The following EFCAB5 variants were observed in gnomAD, a reference collection of about 807,000 sequenced individuals.
EFCAB5 encodes the protein EF-hand calcium binding domain 5.
In EFCAB5, 131 loss-of-function variants were observed where a neutral mutation model predicts 167.9. The ratio of observed to expected loss-of-function variants is 0.78; its 90% confidence interval spans 0.68 to 0.90. The LOEUF (loss-of-function observed/expected upper bound fraction) is 0.90. Among genes scored for constraint, EFCAB5 ranks in the 40% least tolerant of loss-of-function variants. The pLI, the probability that EFCAB5 is intolerant of heterozygous loss-of-function variation, is 0.00. For missense variants in EFCAB5, 1,663 were observed against 1,745.2 expected (o/e 0.95, Z 0.84); for synonymous variants, 574 against 602.8 (o/e 0.95, Z 0.70).
At position 30,080,954 on chromosome 17, in the gene EFCAB5, T is replaced by C. The variant is rs377127461; in HGVS notation, c.3399T>C (p.Phe1133=). 1.4e-5 allele frequency: 22 copies of C among 1,613,136 alleles called. No individual in the cohort carries two copies. In the East Asian group the frequency reaches 4.9e-4, roughly 36 times the overall value. The change falls in exon 17 of 23, where the codon TTT becomes TTC. Residue 1133 remains phenylalanine, a synonymous_variant. Transcript: ENST00000394835. ...GAGATCCCCACGAAATAAACATCTT[T>C]CTACCTCATGAGATCAGATTCTATC... ...TLRDPHEINI[F]LPHEIRFYQG...
At chr17:30,023,208 A>C (rs547504323) in intron 7 of EFCAB5, among the ~76,000 whole-genome samples, 10 of 151,958 alleles carry the variant, frequency 6.6e-5, no homozygotes, top group South Asian at 2.1e-4. Flanking sequence ...AATAGAGACA[A>C]AAAAAACCCT....
At chr17:29,953,404 C>T (rs1041949835) in intron 3 of EFCAB5, among the ~76,000 whole-genome samples, 3 of 152,146 alleles carry the variant, frequency 2.0e-5, no homozygotes, top group African/African-American at 7.2e-5. Context: ...GACCCAGTTG[C>T]AGGTAATTGA....
intron 3 of EFCAB5, among the ~76,000 whole-genome samples, chr17:29,960,075 A>G (rs1449801408): frequency 1.3e-5 from 2 of 152,190 alleles, no homozygotes; most frequent in East Asian, 3.9e-4. Flanking sequence ...CACCAGCTGA[A>G]TTCTACCCCA....
intron 3 of EFCAB5, among the ~76,000 whole-genome samples, chr17:29,955,525 G>A (rs1190541741): frequency 6.6e-6 from 1 of 152,078 alleles, no homozygotes; most frequent in African/African-American, 2.4e-5. Flanking sequence ...GTGGAACTGT[G>A]AGTCCCTTAA....
At chr17:30,034,934 C>A (rs890745472) in intron 8 of EFCAB5, among the ~76,000 whole-genome samples, 9 of 152,108 alleles carry the variant, frequency 5.9e-5, no homozygotes, top group African/African-American at 1.7e-4. Flanking sequence ...TATAAAGGGG[C>A]CCTTATGTGC....
At chr17:30,059,515 C>A in intron 13 of EFCAB5, 30 bp from the exon 14 acceptor site, 2 of 1,566,970 alleles carry the variant, frequency 1.3e-6, no homozygotes, top group Non-Finnish European at 1.7e-6. Context: ...CATATATCTT[C>A]CGTGCTTTAT....
chr17:30,092,072 G>A lies in EFCAB5; in HGVS notation c.4139G>A (p.Arg1380His), dbSNP rs149212930. The A allele has an allele frequency of 2.1e-4, 343 of 1,613,926 alleles. 1 individual carries two copies. The African/African-American group carries it at 3.5e-3, about 17-fold the overall frequency. The change falls in exon 21 of 23, where the codon CGT becomes CAT. Residue 1380 changes from arginine to histidine, a missense_variant. Coordinates refer to ENST00000394835, the MANE Select transcript of EFCAB5 (RefSeq NM_198529.4). ...TTGGAAGCCAACGTGAAACTAGTGC[G>A]TGACATCCTGAAGGCGGTTATCTTG... ...MELEANVKLV[R>H]DILKAVILFF...
At chr17:29,999,474 AT>A (rs760223988) in intron 6 of EFCAB5, among the ~76,000 whole-genome samples, 1 of 152,112 alleles carries the variant, frequency 6.6e-6, no homozygotes, top group Non-Finnish European at 1.5e-5. Flanking sequence ...TTTTTGTATT[AT>A]TTGAATTTGT....
At chr17:29,940,323 C>T (rs1260937979), upstream of EFCAB5, among the ~76,000 whole-genome samples, 13 of 152,130 alleles carry the variant, frequency 8.5e-5, no homozygotes, top group Admixed American at 3.3e-4. Context: ...GTGATCCACC[C>T]GCCTTGGCCT....
rs376564898 is a variant in EFCAB5 at position 29,968,784 on chromosome 17, C to T, written c.191-7C>T. On this transcript the variant is annotated splice_polypyrimidine_tract_variant and splice_region_variant and intron_variant, in intron 3 of 22. Transcript: ENST00000394835. ...ATTTCTTACATTTCACTTTTTTTTC[C>T]CCTCAGAATTAAACCTGGAGGGGCA... The T allele has an allele frequency of 9.0e-6, 13 of 1,444,258 alleles. No individual in the cohort carries two copies. In the African/African-American group the frequency reaches 1.3e-4, roughly 15 times the overall value. 89.5% of individuals were successfully genotyped at this position (1,444,258 alleles called of 1,614,324 possible). A position where few individuals can be genotyped will look rare whatever the true frequency, so the allele number is the denominator to read the frequency against.
In EFCAB5 at chr17:30,057,811, G is replaced by C; in HGVS notation, c.2501G>C (p.Ser834Thr). 1.2e-6 allele frequency: 2 copies of C among 1,613,862 alleles called. No individual in the cohort carries two copies. ...TTTGTTGGTGAAGACGCTCCCTTGA[G>C]TGTCAGCGAGACTCTCACCTCCTTT... is the stretch of plus-strand genomic sequence containing the variant. ...ETFVGEDAPL[S>T]VSETLTSFFK... Residue 834 changes from serine to threonine, a missense_variant, in exon 13 of 23, where the codon AGT becomes ACT. By Grantham distance (58) the Ser-to-Thr change is moderately conservative. Transcript: ENST00000394835.
At chr17:30,034,168 G>A in intron 7 of EFCAB5, 62 bp from the exon 8 acceptor site, 1 of 1,565,212 alleles carries the variant, frequency 6.4e-7, no homozygotes, top group Non-Finnish European at 8.7e-7. Flanking sequence ...TGAATCCTGG[G>A]GAAAATCCAA....
chr17:30,007,772 A>G (rs909596918), intron 7 of EFCAB5, among the ~76,000 whole-genome samples: 5 of 152,162 alleles, frequency 3.3e-5, no homozygotes, highest in Non-Finnish European at 5.9e-5. Context: ...GGATCGCTTG[A>G]GCCTAGGAGT....
At chr17:30,066,828 G>A (rs1016891471) in intron 14 of EFCAB5, among the ~76,000 whole-genome samples, 1 of 151,914 alleles carries the variant, frequency 6.6e-6, no homozygotes, top group Non-Finnish European at 1.5e-5. Flanking sequence ...TGAAAAAGGA[G>A]ACATTACAAC....
Position 30,023,918 on chromosome 17 carries a change from T to G in EFCAB5, c.1045-10312T>G, listed in dbSNP as rs528190178. The stretch of plus-strand genomic sequence containing the variant: ...ATGTAATCCAGCATATAAACAGAAC[T>G]GAAGACAAAAGCCACATGATTATCT... On this transcript the variant is annotated intron_variant, in intron 7 of 22. Transcript: ENST00000394835. Among the ~76,000 whole-genome samples the G allele has an allele frequency of 3.5e-3, 540 of 152,176 alleles. 2 individuals are homozygous for G. The highest frequency in any genetic ancestry group is 6.1e-3 in the Non-Finnish European group (418 of 67,986).
At chr17:29,944,622 G>GTTT (rs1442294530) in intron 3 of EFCAB5, among the ~76,000 whole-genome samples, 11 of 134,166 alleles carry the variant, frequency 8.2e-5, no homozygotes, top group African/African-American at 1.9e-4. Flanking sequence ...TTTCTGTTTT[G>GTTT]TTTTGTTTTT....
chr17:30,008,589 CAA>C (rs879325766), intron 7 of EFCAB5, among the ~76,000 whole-genome samples: 20 of 136,390 alleles, frequency 1.5e-4, no homozygotes, highest in African/African-American at 4.9e-4. Context: ...GACTCCATCT[CAA>C]AAAAAAAAAA....
upstream of EFCAB5, among the ~76,000 whole-genome samples, chr17:29,941,125 C>A (rs573481795): frequency 4.4e-4 from 67 of 152,148 alleles, no homozygotes; most frequent in African/African-American, 1.6e-3. Context: ...CTGTAACTGT[C>A]CTGGAGGCAG....
chr17:30,060,185 A>G (rs2151797272), intron 14 of EFCAB5, among the ~76,000 whole-genome samples: 1 of 152,274 alleles, frequency 6.6e-6, no homozygotes, highest in South Asian at 2.1e-4. Flanking sequence ...CAATGTGCAC[A>G]TGTACCCTAA....
Sources: allele counts gnomAD v4.1 joint callset (sites outside exome capture counted in the v4.1 genomes callset), GRCh38; gene constraint gnomAD v4.1.1; transcripts MANE v1.5; gene names NCBI Gene and HGNC (gene_info 2026-07-23, HGNC 2026-07-21).